CPA6: variants seen among roughly 807,000 people sequenced by gnomAD.
CPA6 encodes carboxypeptidase B.
CPA6 carries 58 observed loss-of-function variants against 63.3 expected under a neutral mutation model. The ratio of observed to expected loss-of-function variants is 0.92; its 90% CI spans 0.74 to 1.14. CPA6 has a LOEUF of 1.14. CPA6 is among the 50% of genes most tolerant of loss of function. The pLI, the probability that CPA6 is intolerant of heterozygous loss-of-function variation, is 0.00. For synonymous variants in CPA6, 185 were observed against 179.0 expected (o/e 1.03, Z -0.27); for missense variants, 565 against 526.6 (o/e 1.07, Z -0.71).
rs561570789 is a variant in CPA6 at position 67,513,433 on chromosome 8, T to C, written c.318-1778A>G. Among the ~76,000 whole-genome samples the C allele has an allele frequency of 2.3e-3, 345 of 152,292 alleles. 2 individuals are homozygous for C. Among genetic ancestry groups the C allele is most frequent in the Admixed American group, 4.1e-3 (63 of 15,288 alleles). On this transcript the variant is annotated intron_variant, in intron 3 of 10. Transcript: ENST00000297770. Reference sequence around the variant, plus strand: ...CAATACTGCAGGGAACCTTCAGTTATATTACCGTCACCAAAATCATCTATT... The same window carrying C: ...CAATACTGCAGGGAACCTTCAGTTACATTACCGTCACCAAAATCATCTATT...
chr8:67,660,345 T>C (rs1407005371), intron 1 of CPA6, among the ~76,000 whole-genome samples: 2 of 143,190 alleles, frequency 1.4e-5, no homozygotes, highest in Non-Finnish European at 3.0e-5. Context: ...TTTTTTTTTT[T>C]TTGAGACAGA....
chr8:67,599,871 A>G (rs1814447255), intron 2 of CPA6, among the ~76,000 whole-genome samples: 1 of 152,208 alleles, frequency 6.6e-6, no homozygotes, highest in Non-Finnish European at 1.5e-5. Flanking sequence ...AATAATTCAT[A>G]GTCATTACTA....
chr8:67,703,877 G>A (rs1817076866), intron 1 of CPA6, among the ~76,000 whole-genome samples: 1 of 152,032 alleles, frequency 6.6e-6, no homozygotes, highest in Admixed American at 6.5e-5. Context: ...TTGTCTGCCT[G>A]CATAGGGCCT....
intron 1 of CPA6, among the ~76,000 whole-genome samples, chr8:67,657,378 A>T (rs2128992359): frequency 6.6e-6 from 1 of 152,354 alleles, no homozygotes; most frequent in African/African-American, 2.4e-5. Flanking sequence ...ATAATTCTTA[A>T]CTAGGACAAA....
rs1480644555 is a variant in CPA6 at position 67,511,644 on chromosome 8, T to A, written c.329A>T (p.Glu110Val). 2.1e-5 allele frequency: 34 copies of A among 1,598,906 alleles called. No homozygotes were observed. Among genetic ancestry groups the A allele is most frequent in the Non-Finnish European group, 2.7e-5 (32 of 1,166,422 alleles). ...EANIQYKVLI[E>V]DLQKTLEKGS... is the part of the protein sequence containing the mutation. ...CTTCTCCAGTGTTTTCTGAAGATCTTCTATGAGGACCCTGAATTTGGAATG... is the reference window on the plus strand; with the variant it reads ...CTTCTCCAGTGTTTTCTGAAGATCTACTATGAGGACCCTGAATTTGGAATG... The change falls in exon 4 of 11, where the codon GAA becomes GTA. Residue 110 changes from glutamate (E) to valine (V), a missense_variant. By Grantham distance (121) the Glu-to-Val change is moderately radical. Transcript: ENST00000297770.
intron 8 of CPA6, among the ~76,000 whole-genome samples, chr8:67,452,934 G>A (rs1810586565): frequency 6.6e-6 from 1 of 152,182 alleles, no homozygotes; most frequent in African/African-American, 2.4e-5. Context: ...TGGGGAATGA[G>A]GATAGAAATA....
rs187867527 is a variant in CPA6, at chr8:67,529,558, A to G, written c.193-11511T>C. On this transcript the variant is annotated intron_variant, in intron 2 of 10. Coordinates refer to ENST00000297770, the MANE Select transcript of CPA6 (RefSeq NM_020361.5). ...GGCCCTCCAATATCCCCAGACAAAT[A>G]TGTTTTCTGGAGAAATTAAAACAGA... Among the ~76,000 whole-genome samples the G allele has an allele frequency of 4.6e-3, 708 of 152,268 alleles. 5 individuals are homozygous for G. The highest frequency in any genetic ancestry group is 6.8e-3 in the Middle Eastern group (2 of 294).
intron 1 of CPA6, among the ~76,000 whole-genome samples, chr8:67,705,470 A>G (rs1333524501): frequency 1.3e-5 from 2 of 152,174 alleles, no homozygotes; most frequent in African/African-American, 2.4e-5. Context: ...GGCAAATGGC[A>G]CCACTTCCCT....
rs1564021171 is a variant in CPA6 at position 67,607,154 on chromosome 8, CT to C, written c.192+17021del. On this transcript the variant is annotated intron_variant, in intron 2 of 10. Transcript: ENST00000297770. ...CCTCCTCCCCCTCCTCCCCCCCCTC[CT>C]CTTCTTCTTCTTCCTCTTCTTCTTC... Among the ~76,000 whole-genome samples, 43 of 95,206 alleles carry C rather than the reference CT, an allele frequency of 4.5e-4. 6 individuals carry two copies. The highest frequency in any genetic ancestry group is 1.7e-3 in the African/African-American group (37 of 21,450). 62.5% of individuals were successfully genotyped at this position (95,206 alleles called of 152,430 possible).
chr8:67,643,125 G>A (rs948274501), intron 1 of CPA6, among the ~76,000 whole-genome samples: 4 of 152,002 alleles, frequency 2.6e-5, no homozygotes, highest in African/African-American at 7.2e-5. Flanking sequence ...AAATTAACAC[G>A]AAGCAAATGA....
At chr8:67,564,631 GT>G (rs1813294927) in intron 2 of CPA6, among the ~76,000 whole-genome samples, 1 of 152,084 alleles carries the variant, frequency 6.6e-6, no homozygotes, top group African/African-American at 2.4e-5. Context: ...TATACTCATC[GT>G]TGTCCACTAG....
At chr8:67,436,445 AAAAG>A (rs1192776291) in intron 8 of CPA6, among the ~76,000 whole-genome samples, 1 of 151,770 alleles carries the variant, frequency 6.6e-6, no homozygotes, top group Non-Finnish European at 1.5e-5. Context: ...CGACCAAAAA[AAAAG>A]AAAGAAAAGG....
intron 3 of CPA6, 96 bp from the exon 4 acceptor site, chr8:67,511,751 A>C (rs1213373410): frequency 1.4e-6 from 1 of 718,306 alleles, no homozygotes; most frequent in African/African-American, 1.8e-5. Flanking sequence ...ATGTAAAGAA[A>C]GACTGTGGTG....
intron 8 of CPA6, among the ~76,000 whole-genome samples, chr8:67,479,699 T>C (rs182027186): frequency 6.6e-6 from 1 of 152,304 alleles, no homozygotes; most frequent in East Asian, 1.9e-4. Flanking sequence ...TCTAGCAACA[T>C]TACCTCTTTT....
At chr8:67,564,353 G>T (rs1813286808) in intron 2 of CPA6, among the ~76,000 whole-genome samples, 1 of 151,454 alleles carries the variant, frequency 6.6e-6, no homozygotes, top group Non-Finnish European at 1.5e-5. Flanking sequence ...TTTCTTTTTG[G>T]CAGCCTGTGC....
chr8:67,645,713 A>G (rs996297696), intron 1 of CPA6, among the ~76,000 whole-genome samples: 4 of 152,198 alleles, frequency 2.6e-5, no homozygotes, highest in Non-Finnish European at 5.9e-5. Context: ...GTCAAATATT[A>G]TTGTGTTGGA....
intron 2 of CPA6, among the ~76,000 whole-genome samples, chr8:67,610,021 C>CAACAAAACAAAACAA (rs112893898): frequency 5.4e-4 from 80 of 149,180 alleles, no homozygotes; most frequent in African/African-American, 1.8e-3. Context: ...GACTCCGTCT[C>CAACAAAACAAAACAA]AACAAAACAA....
At chr8:67,722,847 C>T (rs146661877) in intron 1 of CPA6, among the ~76,000 whole-genome samples, 1 of 152,004 alleles carries the variant, frequency 6.6e-6, no homozygotes, top group East Asian at 1.9e-4. Context: ...AAATACATCA[C>T]TATGTAATAA....
chr8:67,610,321 G>A lies in CPA6; in HGVS notation c.192+13855C>T, dbSNP rs527389069. Among the ~76,000 whole-genome samples the A allele has an allele frequency of 7.9e-5, 12 of 151,946 alleles. No individual in the cohort carries two copies. In the South Asian group the frequency reaches 2.5e-3, roughly 32 times the overall value. On this transcript the variant is annotated intron_variant, in intron 2 of 10. Transcript: ENST00000297770. ...TCAGAGGCTGCAATGAACTGTGATTGCACCACTGCATTCCAGACTCCAGCT... is the reference window on the plus strand; with the variant it reads ...TCAGAGGCTGCAATGAACTGTGATTACACCACTGCATTCCAGACTCCAGCT...
Sources: allele counts gnomAD v4.1 joint callset (sites outside exome capture counted in the v4.1 genomes callset), GRCh38; gene constraint gnomAD v4.1.1; transcripts MANE v1.5; gene names NCBI Gene and HGNC (gene_info 2026-07-23, HGNC 2026-07-21).